Variants in IGF1R observed in about 807,000 individuals in gnomAD.
The protein encoded by IGF1R is insulin like growth factor 1 receptor.
IGF1R carries 44 observed loss-of-function variants against 144.6 expected under a neutral mutation model. The ratio of observed to expected loss-of-function variants is 0.30; its 90% CI spans 0.24 to 0.39. The LOEUF is 0.39. Among genes scored for constraint, IGF1R ranks in the 10% least tolerant of loss-of-function variants. IGF1R has a pLI of 1.00. For synonymous variants in IGF1R, 795 were observed against 722.8 expected (o/e 1.10, Z -1.60); for missense variants, 1,355 against 1,833.7 (o/e 0.74, Z 4.77).
intron 1 of IGF1R, among the ~76,000 whole-genome samples, chr15:98,688,704 A>G (rs2053399442): frequency 6.6e-6 from 1 of 151,940 alleles, no homozygotes; most frequent in Admixed American, 6.6e-5. Context: ...CTTATAGCTC[A>G]AGACTAGTTG....
At chr15:98,905,669 GA>G (rs869074593) in intron 5 of IGF1R, among the ~76,000 whole-genome samples, 4,383 of 125,252 alleles carry the variant, frequency 0.035, 188 homozygotes, top group African/African-American at 0.11. Context: ...GTCTCAAGGG[GA>G]AAAAAAAAAA....
At chr15:98,734,451 T>A (rs1280531428) in intron 2 of IGF1R, among the ~76,000 whole-genome samples, 1 of 152,196 alleles carries the variant, frequency 6.6e-6, no homozygotes, top group Non-Finnish European at 1.5e-5. Flanking sequence ...TGCCTTTTGG[T>A]TGTACCCAGC....
intron 2 of IGF1R, among the ~76,000 whole-genome samples, chr15:98,857,820 A>G (rs1184814845): frequency 6.6e-6 from 1 of 152,212 alleles, no homozygotes; most frequent in African/African-American, 2.4e-5. Context: ...TCCTCTTAAA[A>G]ATATGTGTTT....
At chr15:98,853,254 A>G (rs921120949) in intron 2 of IGF1R, among the ~76,000 whole-genome samples, 1 of 152,086 alleles carries the variant, frequency 6.6e-6, no homozygotes, top group Non-Finnish European at 1.5e-5. Context: ...ATGTTTTTCT[A>G]CCTTCTCCTG....
intron 2 of IGF1R, among the ~76,000 whole-genome samples, chr15:98,742,781 T>C (rs1253925082): frequency 6.6e-6 from 1 of 152,182 alleles, no homozygotes; most frequent in South Asian, 2.1e-4. Flanking sequence ...TGTGGTGGCT[T>C]ACACCTGTAA....
chr15:98,916,261 GTTTTTT>G, intron 9 of IGF1R, 130 bp downstream of exon 9: 2 of 555,670 alleles, frequency 3.6e-6, no homozygotes, highest in Non-Finnish European at 3.0e-6. Context: ...CTATCTTCTG[GTTTTTT>G]TTTTTTTTTT....
At chr15:98,651,174 G>A (rs1412298085) in intron 1 of IGF1R, 1 of 559,108 alleles carries the variant, frequency 1.8e-6, no homozygotes, top group African/African-American at 2.0e-5. Context: ...GGAAGGAGGA[G>A]GCAGCGGAGG....
At chr15:98,863,949 G>A (rs1472212162) in intron 2 of IGF1R, among the ~76,000 whole-genome samples, 2 of 152,204 alleles carry the variant, frequency 1.3e-5, no homozygotes, top group Non-Finnish European at 2.9e-5. Context: ...TGTTCAAAGT[G>A]TTGCTTTCCT....
At chr15:98,937,554 G>T (rs920547249) in intron 17 of IGF1R, among the ~76,000 whole-genome samples, 1 of 152,190 alleles carries the variant, frequency 6.6e-6, no homozygotes, top group African/African-American at 2.4e-5. Context: ...ATTAAAATGT[G>T]TGCACTTACC....
At chr15:98,715,264 G>A (rs2054086693) in intron 2 of IGF1R, among the ~76,000 whole-genome samples, 1 of 152,160 alleles carries the variant, frequency 6.6e-6, no homozygotes. Flanking sequence ...TCATTTCTTG[G>A]GGCGTGTGCC....
chr15:98,755,731 AAAAAAAAAAAAAAAAAAAAAAAG>A (rs1213961795), intron 2 of IGF1R, among the ~76,000 whole-genome samples: 6 of 129,474 alleles, frequency 4.6e-5, no homozygotes, highest in African/African-American at 1.9e-4. Context: ...AAAAAAAAAA[AAAAAAAAAAAAAAAAAAAAAAAG>A]GCATTACTGC....
At chr15:98,847,588 C>G (rs1187695306) in intron 2 of IGF1R, among the ~76,000 whole-genome samples, 1 of 152,144 alleles carries the variant, frequency 6.6e-6, no homozygotes, top group Non-Finnish European at 1.5e-5. Context: ...GCAGGAAATG[C>G]TCGTTTATAA....
chr15:98,762,408 T>A (rs1391700503), intron 2 of IGF1R, among the ~76,000 whole-genome samples: 3 of 152,140 alleles, frequency 2.0e-5, no homozygotes, highest in African/African-American at 7.2e-5. Context: ...CCACAAAAAA[T>A]TTTAAATGAA....
At chr15:98,827,808 C>T (rs1466374088) in intron 2 of IGF1R, among the ~76,000 whole-genome samples, 1 of 152,144 alleles carries the variant, frequency 6.6e-6, no homozygotes, top group Non-Finnish European at 1.5e-5. Flanking sequence ...GTCTCAAACT[C>T]CTGACGTCAT....
intron 2 of IGF1R, among the ~76,000 whole-genome samples, chr15:98,801,380 G>A (rs1301367699): frequency 3.3e-5 from 5 of 152,222 alleles, no homozygotes; most frequent in African/African-American, 9.6e-5. Flanking sequence ...CCTGCTGGGG[G>A]CAGAACAAAG....
chr15:98,955,286 A>G (rs72752897), intron 20 of IGF1R, among the ~76,000 whole-genome samples: 5,210 of 152,292 alleles, frequency 0.034, 89 homozygotes, highest in African/African-American at 0.041. Flanking sequence ...GCCACATGGA[A>G]CTCTCCAAAT....
In IGF1R at chr15:98,961,561, T is replaced by C; in HGVS notation, c.*4119T>C. 4.3e-6 allele frequency: 1 copy of C among 233,762 alleles called. No homozygotes were observed. Among genetic ancestry groups the C allele is most frequent in the Non-Finnish European group, 8.5e-6 (1 of 118,076 alleles). 14.5% of individuals were successfully genotyped at this position (233,762 alleles called of 1,614,324 possible). A position where few individuals can be genotyped will look rare whatever the true frequency, so the allele number is the denominator to read the frequency against. On this transcript the variant is annotated 3_prime_UTR_variant, in exon 21 of 21. Transcript: ENST00000650285. ...TTTTCTCTGTGTGTTCCAAATAATC[T>C]TAAGCTGAGTTGTGGCATTTTCCAT...
chr15:98,806,312 C>A (rs1354650758), intron 2 of IGF1R, among the ~76,000 whole-genome samples: 1 of 152,064 alleles, frequency 6.6e-6, no homozygotes, highest in Non-Finnish European at 1.5e-5. Context: ...AGCGGCAATG[C>A]CTTGTCCATG....
intron 2 of IGF1R, among the ~76,000 whole-genome samples, chr15:98,760,456 T>G (rs527718034): frequency 6.6e-6 from 1 of 152,352 alleles, no homozygotes; most frequent in Admixed American, 6.5e-5. Context: ...TTTTAATAGC[T>G]CCATAATGGT....
Sources: gnomAD v4.1 joint callset for allele counts (sites outside exome capture counted in the v4.1 genomes callset) on GRCh38, gnomAD v4.1.1 for gene constraint, MANE v1.5 for transcripts, NCBI Gene and HGNC (gene_info 2026-07-23, HGNC 2026-07-21) for gene names.